The following STRBP variants were observed in gnomAD, a reference collection of about 807,000 sequenced individuals.
The protein encoded by STRBP is spermatid perinuclear RNA-binding protein.
A neutral mutation model predicts 80.1 loss-of-function variants in STRBP; 13 were observed. The observed-to-expected ratio is 0.16, with a 90% CI of 0.11 to 0.26. STRBP has a LOEUF of 0.26. Ranked by LOEUF, STRBP falls within the 10% of genes least tolerant of loss-of-function variation. The probability of loss-of-function intolerance (pLI) is 1.00; values close to 1 mark genes in which losing one functional copy is unlikely to be tolerated. For missense variants in STRBP, 485 were observed against 815.2 expected (o/e 0.59, Z 4.93); for synonymous variants, 284 against 291.2 (o/e 0.98, Z 0.25).
chr9:123,151,514 A>G (rs186260573), intron 11 of STRBP, among the ~76,000 whole-genome samples: 2 of 152,304 alleles, frequency 1.3e-5, no homozygotes, highest in Non-Finnish European at 2.9e-5. Context: ...AATAAGTAAA[A>G]ACTCAAAAAC....
chr9:123,159,262 A>G (rs1392479878), intron 8 of STRBP, 55 bp from the exon 9 acceptor site: 16 of 1,291,216 alleles, frequency 1.2e-5, no homozygotes, highest in Non-Finnish European at 1.6e-5. Flanking sequence ...AAAGGATTCC[A>G]GTTAAATGTG....
chr9:123,259,090 T>G (rs2041105752), intron 1 of STRBP, among the ~76,000 whole-genome samples: 1 of 149,490 alleles, frequency 6.7e-6, no homozygotes, highest in Admixed American at 6.8e-5. Flanking sequence ...GGGGGATTAC[T>G]GCAATAATTT....
At chr9:123,257,913 GAAT>G (rs1387218327) in intron 1 of STRBP, among the ~76,000 whole-genome samples, 2 of 151,550 alleles carry the variant, frequency 1.3e-5, no homozygotes, top group Non-Finnish European at 2.9e-5. Context: ...AAATTGTATA[GAAT>G]TATTATATCT....
At chr9:123,259,361 T>C (rs1030634819) in intron 1 of STRBP, among the ~76,000 whole-genome samples, 2 of 151,972 alleles carry the variant, frequency 1.3e-5, no homozygotes, top group Non-Finnish European at 2.9e-5. Flanking sequence ...ATATAAGAGA[T>C]GTCAGGTAGG....
In STRBP at chr9:123,124,176, A is replaced by G. The variant is rs1364302039; in HGVS notation, c.*1421T>C. Reference sequence around the variant, plus strand: ...TATTTTGTGAAGCCCATTCTCATGGATGGGCCCTGTCAAGTTCCCAAAAGC... The same window carrying G: ...TATTTTGTGAAGCCCATTCTCATGGGTGGGCCCTGTCAAGTTCCCAAAAGC... On this transcript the variant is annotated 3_prime_UTR_variant, in exon 19 of 19. Coordinates refer to ENST00000348403, the MANE Select transcript of STRBP (RefSeq NM_018387.5). The G allele has an allele frequency of 2.0e-6, 2 of 985,332 alleles. No individual in the cohort carries two copies. The highest frequency in any genetic ancestry group is 4.7e-5 in the South Asian group (1 of 21,286). The allele number at this position is 985,332 out of a possible 1,614,324, so 61.0% of individuals were successfully genotyped here. A position where few individuals can be genotyped will look rare whatever the true frequency, so the allele number is the denominator to read the frequency against.
At chr9:123,263,248 A>G (rs1232893497) in intron 1 of STRBP, among the ~76,000 whole-genome samples, 2 of 152,202 alleles carry the variant, frequency 1.3e-5, no homozygotes, top group African/African-American at 2.4e-5. Flanking sequence ...CACCAAGCTC[A>G]AGGCAAATTA....
rs1270907581 is a variant in STRBP, at chr9:123,123,912, CTTG to C, written c.*1682_*1684del. 2.0e-6 allele frequency: 2 copies of C among 985,308 alleles called. No homozygotes were observed. The highest frequency in any genetic ancestry group is 2.4e-6 in the Non-Finnish European group (2 of 829,942). 61.0% of individuals were successfully genotyped at this position (985,308 alleles called of 1,614,324 possible). ...AAAACTCCCAGCTGAAATGGGCCCT[CTTG>C]TTTATGTCTAGCCACTAATGCACAG... On this transcript the variant is annotated 3_prime_UTR_variant, in exon 19 of 19. Coordinates refer to ENST00000348403, the MANE Select transcript of STRBP (RefSeq NM_018387.5).
At chr9:123,261,167 C>T (rs2041153206) in intron 1 of STRBP, among the ~76,000 whole-genome samples, 1 of 152,194 alleles carries the variant, frequency 6.6e-6, no homozygotes, top group African/African-American at 2.4e-5. Flanking sequence ...ATACTCCACC[C>T]AGTGCCAGTA....
At chr9:123,208,497 T>G in intron 2 of STRBP, among the ~76,000 whole-genome samples, 1 of 152,086 alleles carries the variant, frequency 6.6e-6, no homozygotes, top group Non-Finnish European at 1.5e-5. Context: ...AACTTTTTCT[T>G]AAGGGGAGGG....
intron 10 of STRBP, 32 bp downstream of exon 10, chr9:123,158,300 A>G (rs2037376621): frequency 1.2e-6 from 2 of 1,601,408 alleles, no homozygotes; most frequent in African/African-American, 1.3e-5. Flanking sequence ...TTATTTCACT[A>G]ATAAGTCAGA....
At chr9:123,248,953 C>G (rs1276825313) in intron 1 of STRBP, among the ~76,000 whole-genome samples, 2 of 152,238 alleles carry the variant, frequency 1.3e-5, no homozygotes, top group Middle Eastern at 3.2e-3. Flanking sequence ...CTATAAAAAG[C>G]ACTCAAATAT....
chr9:123,193,746 C>T (rs1165260308), intron 2 of STRBP, among the ~76,000 whole-genome samples: 5 of 151,964 alleles, frequency 3.3e-5, no homozygotes, highest in Non-Finnish European at 7.4e-5. Context: ...CTTATCCAAC[C>T]GAAATTACGT....
chr9:123,264,132 T>C (rs543581800), intron 1 of STRBP, among the ~76,000 whole-genome samples: 2 of 152,322 alleles, frequency 1.3e-5, no homozygotes, highest in African/African-American at 4.8e-5. Context: ...TGAGCCGAGA[T>C]TGTGCTACTG....
intron 11 of STRBP, among the ~76,000 whole-genome samples, chr9:123,150,255 C>T (rs1564239226): frequency 2.0e-5 from 3 of 152,078 alleles, no homozygotes; most frequent in Non-Finnish European, 2.9e-5. Flanking sequence ...TCTCAAACCC[C>T]GGTGCCATTA....
intron 1 of STRBP, among the ~76,000 whole-genome samples, chr9:123,241,519 CAA>C (rs1234632965): frequency 7.1e-6 from 1 of 140,916 alleles, no homozygotes; most frequent in Admixed American, 7.1e-5. Context: ...CCCGCACACA[CAA>C]AAAAAAAAAT....
At chr9:123,192,869 G>A (rs927192108) in intron 2 of STRBP, among the ~76,000 whole-genome samples, 2 of 152,032 alleles carry the variant, frequency 1.3e-5, no homozygotes, top group Admixed American at 1.3e-4. Context: ...TAAGCAACTG[G>A]CACTAAACTC....
chr9:123,160,531 A>G, intron 7 of STRBP, 69 bp from the exon 8 acceptor site: 1 of 1,211,262 alleles, frequency 8.3e-7, no homozygotes, highest in South Asian at 1.9e-5. Flanking sequence ...AAGTTCTTTC[A>G]AGTGAATACT....
At chr9:123,228,250 G>A (rs991706461) in intron 2 of STRBP, among the ~76,000 whole-genome samples, 1 of 152,194 alleles carries the variant, frequency 6.6e-6, no homozygotes, top group Non-Finnish European at 1.5e-5. Context: ...TAACATCCTG[G>A]TGGGCAGGCA....
At chr9:123,241,333 C>G (rs981866489) in intron 1 of STRBP, among the ~76,000 whole-genome samples, 1 of 152,094 alleles carries the variant, frequency 6.6e-6, no homozygotes, top group African/African-American at 2.4e-5. Context: ...GAGAATTTGT[C>G]TCTACAAAAA....
Sources: gnomAD v4.1 joint callset for allele counts (sites outside exome capture counted in the v4.1 genomes callset) on GRCh38, gnomAD v4.1.1 for gene constraint, MANE v1.5 for transcripts, NCBI Gene and HGNC (gene_info 2026-07-23, HGNC 2026-07-21) for gene names.